GPC5: variants seen among roughly 807,000 people sequenced by gnomAD.
GPC5 encodes the protein glypican-5.
Under a neutral mutation model 53.9 loss-of-function variants are expected in GPC5, and 47 were observed. The observed-to-expected ratio is 0.87, with a 90% CI of 0.69 to 1.11. The LOEUF (loss-of-function observed/expected upper bound fraction) is 1.11, where lower values mean the gene tolerates loss of function less well. Among genes scored for constraint, GPC5 ranks in the 50% most tolerant of loss-of-function variants. The probability of loss-of-function intolerance (pLI) is 0.00; values close to 1 mark genes in which losing one functional copy is unlikely to be tolerated. For missense variants in GPC5, 748 were observed against 713.1 expected, an observed-to-expected ratio of 1.05 and a Z score of -0.56; for synonymous variants, 286 against 263.3, an observed-to-expected ratio of 1.09 and a Z score of -0.84.
At position 91,920,926 on chromosome 13, in the gene GPC5, CTTT is replaced by C. The variant is rs869309251; in HGVS notation, c.1401+12896_1401+12898del. On this transcript the variant is annotated intron_variant, in intron 6 of 7. Coordinates refer to ENST00000377067, the MANE Select transcript of GPC5 (RefSeq NM_004466.6). ...TTTAAATCTCTCTCTCTCTCTCTCT[CTTT>C]TTTTTTTTTTTTTTTTTTTTTTTTT... 8.7e-4 allele frequency among the ~76,000 whole-genome samples: 28 copies of C among 32,108 alleles called. No homozygotes were observed. In the East Asian group the frequency reaches 0.017, roughly 19 times the overall value. The allele number at this position is 32,108 out of a possible 152,430, so 21.1% of individuals were successfully genotyped here. A position where few individuals can be genotyped will look rare whatever the true frequency, so the allele number is the denominator to read the frequency against.
At chr13:92,684,074 C>T (rs1255274162) in intron 7 of GPC5, among the ~76,000 whole-genome samples, 3 of 152,066 alleles carry the variant, frequency 2.0e-5, no homozygotes, top group African/African-American at 7.2e-5. Context: ...AGTTATTCCT[C>T]CTTTCTTTCC....
intron 3 of GPC5, among the ~76,000 whole-genome samples, chr13:91,701,192 G>A (rs2035984531): frequency 6.6e-6 from 1 of 152,092 alleles, no homozygotes; most frequent in East Asian, 1.9e-4. Context: ...TTCACCTCAT[G>A]TACACATTTT....
intron 4 of GPC5, among the ~76,000 whole-genome samples, chr13:91,754,424 T>C (rs1364654435): frequency 1.3e-5 from 2 of 152,086 alleles, no homozygotes; most frequent in Non-Finnish European, 2.9e-5. Flanking sequence ...CATAAAGCTT[T>C]CTCTATGAGG....
chr13:91,887,535 C>G (rs79612039), intron 5 of GPC5, among the ~76,000 whole-genome samples: 4,828 of 152,272 alleles, frequency 0.032, 119 homozygotes, highest in Middle Eastern at 0.061. Context: ...TTTCTTTTCT[C>G]TTGCATTGTG....
chr13:91,870,645 C>T (rs1177857815), intron 5 of GPC5, among the ~76,000 whole-genome samples: 2 of 152,108 alleles, frequency 1.3e-5, no homozygotes, highest in Admixed American at 6.5e-5. Flanking sequence ...ACGCTATAGA[C>T]GCATATTCTG....
chr13:91,574,836 GTTCTAATACTCCTAATGA>G (rs1431475884), intron 2 of GPC5, among the ~76,000 whole-genome samples: 4 of 152,204 alleles, frequency 2.6e-5, no homozygotes, highest in Admixed American at 1.3e-4. Context: ...CTCTGTCCAT[GTTCTAATACTCCTAATGA>G]TTAGTTACAA....
chr13:92,513,132 A>G (rs76167730), intron 7 of GPC5, among the ~76,000 whole-genome samples: 2,948 of 152,284 alleles, frequency 0.019, 112 homozygotes, highest in African/African-American at 0.067. Flanking sequence ...GGGAAGACGT[A>G]TTGTTCGTAC....
intron 6 of GPC5, among the ~76,000 whole-genome samples, chr13:92,010,346 A>G (rs2138772835): frequency 6.6e-6 from 1 of 152,338 alleles, no homozygotes; most frequent in Non-Finnish European, 1.5e-5. Context: ...TCTAATATGT[A>G]GGACAGTAAA....
intron 7 of GPC5, among the ~76,000 whole-genome samples, chr13:92,338,043 T>C (rs2043336804): frequency 1.3e-5 from 2 of 151,644 alleles, no homozygotes; most frequent in African/African-American, 2.4e-5. Context: ...TGGTAGAAAA[T>C]AATTGCAAAA....
rs183364653 is a variant in GPC5 at position 92,119,550 on chromosome 13, G to A, written c.1402-25280G>A. Among the ~76,000 whole-genome samples, 928 of 140,118 alleles carry A rather than the reference G, an allele frequency of 6.6e-3. 17 individuals are homozygous for A. The highest frequency in any genetic ancestry group is 0.023 in the African/African-American group (861 of 37,882). The allele number at this position is 140,118 out of a possible 152,430, so 91.9% of individuals were successfully genotyped here. On this transcript the variant is annotated intron_variant, in intron 6 of 7. Transcript: ENST00000377067. ...ACGTAGCTGGGACTACAAGGCGCCC[G>A]CCACCTCGCCTGGCTAATTTTTTTT...
intron 7 of GPC5, among the ~76,000 whole-genome samples, chr13:92,606,928 A>G (rs935676438): frequency 6.6e-6 from 1 of 152,116 alleles, no homozygotes; most frequent in Non-Finnish European, 1.5e-5. Flanking sequence ...CCCCATTCAA[A>G]GTTTTGACTT....
chr13:92,779,970 A>T (rs1355162795), intron 7 of GPC5, among the ~76,000 whole-genome samples: 1 of 152,164 alleles, frequency 6.6e-6, no homozygotes. Context: ...GGACGTTTTC[A>T]GTTGAAAGTT....
intron 6 of GPC5, among the ~76,000 whole-genome samples, chr13:92,132,282 G>A (rs2041750648): frequency 6.6e-6 from 1 of 152,162 alleles, no homozygotes; most frequent in African/African-American, 2.4e-5. Flanking sequence ...TTGAAAGATT[G>A]TGAAAATCGT....
intron 7 of GPC5, among the ~76,000 whole-genome samples, chr13:92,504,245 T>C (rs1340636040): frequency 6.6e-6 from 1 of 151,960 alleles, no homozygotes; most frequent in African/African-American, 2.4e-5. Flanking sequence ...TTGAAAACCA[T>C]ATAATCACTC....
At position 92,786,120 on chromosome 13, in the gene GPC5, G is replaced by T. The variant is rs973488951; in HGVS notation, c.1562-80162G>T. Among the ~76,000 whole-genome samples, 4 of 152,226 alleles carry T rather than the reference G, an allele frequency of 2.6e-5. No homozygotes were observed. In the South Asian group the frequency reaches 8.3e-4, roughly 32 times the overall value. Reference sequence around the variant, plus strand: ...TCTCAAATGTCGATTAATTTGGCCAGTTTACCTATAATGATCACACAAAAT... The same window carrying T: ...TCTCAAATGTCGATTAATTTGGCCATTTTACCTATAATGATCACACAAAAT... On this transcript the variant is annotated intron_variant, in intron 7 of 7. Transcript: ENST00000377067.
At chr13:91,672,719 A>G (rs1178096611) in intron 2 of GPC5, among the ~76,000 whole-genome samples, 3 of 152,232 alleles carry the variant, frequency 2.0e-5, no homozygotes, top group African/African-American at 4.8e-5. Context: ...TGCCCTAGCA[A>G]TCCCATTACT....
rs1005374351 is a variant in GPC5, at chr13:91,853,288, G to T, written c.1281-54649G>T. On this transcript the variant is annotated intron_variant, in intron 5 of 7. Coordinates refer to ENST00000377067, the MANE Select transcript of GPC5 (RefSeq NM_004466.6). ...ATCTGGGGGTATAATGCTTGATGTG[G>T]ATGAGACTTTTTCTTGGAAGAATTT... Among the ~76,000 whole-genome samples, 4 of 152,092 alleles carry T rather than the reference G, an allele frequency of 2.6e-5. No homozygotes were observed. In the South Asian group the frequency reaches 8.3e-4, roughly 32 times the overall value.
intron 7 of GPC5, among the ~76,000 whole-genome samples, chr13:92,414,996 G>A (rs971595222): frequency 1.3e-5 from 2 of 152,116 alleles, no homozygotes; most frequent in East Asian, 3.9e-4. Flanking sequence ...CCCTAAATGG[G>A]GCTAGGATGT....
At chr13:91,662,797 A>G (rs1332276241) in intron 2 of GPC5, among the ~76,000 whole-genome samples, 1 of 152,142 alleles carries the variant, frequency 6.6e-6, no homozygotes, top group Non-Finnish European at 1.5e-5. Flanking sequence ...GGAATGCTCC[A>G]TTACTCCTGC....
Sources: gnomAD v4.1 joint callset for allele counts (sites outside exome capture counted in the v4.1 genomes callset) on GRCh38, gnomAD v4.1.1 for gene constraint, MANE v1.5 for transcripts, NCBI Gene and HGNC (gene_info 2026-07-23, HGNC 2026-07-21) for gene names.